Variants in HAO2 observed in about 807,000 individuals in gnomAD.
HAO2 encodes hydroxyacid oxidase 2.
Under a neutral mutation model 37.4 loss-of-function variants are expected in HAO2, and 42 were observed. The observed-to-expected ratio is 1.12, with a 90% CI of 0.88 to 1.45. The LOEUF is 1.45. Ranked by LOEUF, HAO2 falls within the 40% of genes most tolerant of loss-of-function variation. The pLI, the probability that HAO2 is intolerant of heterozygous loss-of-function variation, is 0.00. For missense variants in HAO2, 476 were observed against 430.2 expected (o/e 1.11, Z -0.94); for synonymous variants, 180 against 162.8 (o/e 1.11, Z -0.81).
At chr1:119,381,644 A>T (rs587597831) in intron 2 of HAO2, among the ~76,000 whole-genome samples, 4 of 152,262 alleles carry the variant, frequency 2.6e-5, no homozygotes, top group Admixed American at 2.6e-4. Flanking sequence ...TCTCAAAGAT[A>T]ATAAGAGATT....
intron 5 of HAO2, among the ~76,000 whole-genome samples, chr1:119,390,358 TCTC>T (rs375898561): frequency 1.8e-4 from 27 of 152,200 alleles, no homozygotes; most frequent in African/African-American, 6.3e-4. Context: ...TTCAAGCAAT[TCTC>T]CTGCCTTAGC....
intron 1 of HAO2, among the ~76,000 whole-genome samples, chr1:119,373,727 C>T (rs896760052): frequency 4.6e-5 from 7 of 152,098 alleles, no homozygotes; most frequent in African/African-American, 1.4e-4. Flanking sequence ...CTAAAGAAGC[C>T]ACTCTGAAGA....
At chr1:119,389,141 T>C (rs1398167702) in intron 5 of HAO2, among the ~76,000 whole-genome samples, 2 of 52,268 alleles carry the variant, frequency 3.8e-5, no homozygotes, top group East Asian at 9.7e-4. Flanking sequence ...TTTCATCATA[T>C]ATATATATAT....
chr1:119,369,018 T>A (rs142859200), intron 1 of HAO2, 116 bp downstream of exon 1: 4 of 152,316 alleles, frequency 2.6e-5, no homozygotes, highest in Non-Finnish European at 5.9e-5. Context: ...GGCAAGGACC[T>A]TGGCAAAGAT....
At chr1:119,374,149 C>A (rs1254021307) in intron 1 of HAO2, among the ~76,000 whole-genome samples, 1 of 152,202 alleles carries the variant, frequency 6.6e-6, no homozygotes, top group Non-Finnish European at 1.5e-5. Flanking sequence ...CCAAATTCTT[C>A]CCCCTGCCCT....
chr1:119,384,446 A>G (rs1371272143), intron 3 of HAO2, among the ~76,000 whole-genome samples: 2 of 152,096 alleles, frequency 1.3e-5, no homozygotes, highest in South Asian at 4.1e-4. Flanking sequence ...TGCTTCATTA[A>G]GGAGTTCATA....
chr1:119,374,308 C>T (rs1649272766), intron 1 of HAO2, among the ~76,000 whole-genome samples: 1 of 152,198 alleles, frequency 6.6e-6, no homozygotes, highest in Non-Finnish European at 1.5e-5. Context: ...TCTCCCATCA[C>T]CTCTTTCATT....
intron 5 of HAO2, among the ~76,000 whole-genome samples, chr1:119,388,650 C>A (rs1650580117): frequency 6.6e-6 from 1 of 152,222 alleles, no homozygotes; most frequent in Non-Finnish European, 1.5e-5. Flanking sequence ...CCCTGCCTCA[C>A]TTGCCTCACC....
chr1:119,385,992 A>C (rs1269713022), intron 4 of HAO2: 4 of 643,210 alleles, frequency 6.2e-6, no homozygotes, highest in Non-Finnish European at 7.7e-6. Flanking sequence ...GCTTTTGCTT[A>C]TCCATCTTAT....
In HAO2 at chr1:119,394,057, T is replaced by C. The variant is rs1454188103; in HGVS notation, c.*217T>C. ...TGCCCTTCTTTGTATCACTGACTAT[T>C]ATATGTTGCTCTCTTGCCTAAATCT... is the stretch of plus-strand genomic sequence containing the variant. On this transcript the variant is annotated 3_prime_UTR_variant, in exon 8 of 8. Coordinates refer to ENST00000325945, the MANE Select transcript of HAO2 (RefSeq NM_016527.4). 3 of 1,357,592 alleles carry C rather than the reference T, an allele frequency of 2.2e-6. No homozygotes were observed. The Admixed American group carries it at 9.0e-5, about 41-fold the overall frequency. 84.1% of individuals were successfully genotyped at this position (1,357,592 alleles called of 1,614,324 possible). A position where few individuals can be genotyped will look rare whatever the true frequency, so the allele number is the denominator to read the frequency against.
intron 2 of HAO2, 58 bp downstream of exon 2, chr1:119,381,274 T>C: frequency 8.0e-7 from 1 of 1,255,366 alleles, no homozygotes; most frequent in Non-Finnish European, 1.2e-6. Flanking sequence ...GGAGAGCAAC[T>C]TGGACAGTAG....
chr1:119,386,857 G>A (rs751160777), intron 5 of HAO2, 26 bp downstream of exon 5: 7 of 1,442,594 alleles, frequency 4.9e-6, no homozygotes, highest in Non-Finnish European at 5.9e-6. Flanking sequence ...TCAGAGAAGG[G>A]TGTGTTTGTG....
intron 1 of HAO2, among the ~76,000 whole-genome samples, chr1:119,374,349 C>G (rs1649275752): frequency 6.6e-6 from 1 of 152,196 alleles, no homozygotes; most frequent in African/African-American, 2.4e-5. Context: ...CAGCCTCTCC[C>G]CTGACAGTGC....
intron 7 of HAO2, among the ~76,000 whole-genome samples, chr1:119,393,101 A>G (rs1366671306): frequency 6.6e-6 from 1 of 152,210 alleles, no homozygotes; most frequent in African/African-American, 2.4e-5. Flanking sequence ...TATGGTGCAC[A>G]CATCATAAAT....
intron 2 of HAO2, among the ~76,000 whole-genome samples, chr1:119,382,489 C>T (rs1301067140): frequency 6.6e-6 from 1 of 152,154 alleles, no homozygotes; most frequent in Non-Finnish European, 1.5e-5. Context: ...TTCTTACTTT[C>T]TGGAGACTTG....
chr1:119,390,417 AT>A (rs1650788162), intron 5 of HAO2, among the ~76,000 whole-genome samples: 1 of 151,854 alleles, frequency 6.6e-6, no homozygotes, highest in Non-Finnish European at 1.5e-5. Flanking sequence ...ACGCCTGGTT[AT>A]TTGCATTTTT....
chr1:119,383,846 T>C (rs1338105300), intron 3 of HAO2, among the ~76,000 whole-genome samples: 1 of 152,166 alleles, frequency 6.6e-6, no homozygotes, highest in African/African-American at 2.4e-5. Context: ...TAGAGCTGAA[T>C]GTGACATCCA....
intron 1 of HAO2, among the ~76,000 whole-genome samples, chr1:119,373,963 G>C (rs1243236078): frequency 6.6e-6 from 1 of 152,228 alleles, no homozygotes; most frequent in Non-Finnish European, 1.5e-5. Flanking sequence ...GAAGAAGCCA[G>C]AGCTGATTCT....
rs1557847247 is a variant in HAO2 at position 119,381,113 on chromosome 1, C to T, written c.28C>T (p.Gln10Ter). MSLVCLTDF[Q>*]AHAREQLSKS... is the part of the protein sequence containing the mutation. ...GTCCTTGGTGTGTTTGACAGACTTT[C>T]AGGCCCATGCGCGAGAGCAGCTGTC... Residue 10 changes from glutamine (Q) to a stop codon, truncating the protein, a stop_gained, in exon 2 of 8, where the codon CAG (glutamine) becomes TAG (stop). Coordinates refer to ENST00000325945, the MANE Select transcript of HAO2 (RefSeq NM_016527.4). LOFTEE classifies it high-confidence loss of function. 2.5e-6 allele frequency: 4 copies of T among 1,612,588 alleles called. No individual in the cohort carries two copies. Among genetic ancestry groups the T allele is most frequent in the Non-Finnish European group, 2.5e-6 (3 of 1,178,544 alleles).
Sources: gnomAD v4.1 joint callset for allele counts (sites outside exome capture counted in the v4.1 genomes callset) on GRCh38, gnomAD v4.1.1 for gene constraint, MANE v1.5 for transcripts, NCBI Gene and HGNC (gene_info 2026-07-23, HGNC 2026-07-21) for gene names.